JAK1: variants seen among roughly 807,000 people sequenced by gnomAD.
JAK1 encodes the protein tyrosine-protein kinase JAK1.
JAK1 carries 16 observed loss-of-function variants against 136.6 expected under a neutral mutation model. The ratio of observed to expected loss-of-function variants is 0.12; its 90% CI spans 0.08 to 0.18. JAK1 has a LOEUF of 0.18. Ranked by LOEUF, JAK1 falls within the 10% of genes least tolerant of loss-of-function variation. The pLI is 1.00. For synonymous variants in JAK1, 492 were observed against 519.5 expected (o/e 0.95, Z 0.72); for missense variants, 859 against 1,450.1 (o/e 0.59, Z 6.62).
At chr1:65,016,117 A>T (rs540610404) in intron 2 of JAK1, among the ~76,000 whole-genome samples, 1 of 152,240 alleles carries the variant, frequency 6.6e-6, no homozygotes, top group Non-Finnish European at 1.5e-5. Flanking sequence ...GTATAACTAC[A>T]CTGACATGAA....
intron 1 of JAK1, among the ~76,000 whole-genome samples, chr1:64,900,260 A>G (rs1254775695): frequency 6.6e-6 from 1 of 152,240 alleles, no homozygotes; most frequent in Non-Finnish European, 1.5e-5. Context: ...ATTAAGTGCT[A>G]TGACTTCAGA....
intron 1 of JAK1, among the ~76,000 whole-genome samples, chr1:64,924,071 T>A (rs1346076828): frequency 6.6e-6 from 1 of 152,322 alleles, no homozygotes; most frequent in South Asian, 2.1e-4. Flanking sequence ...CAACTCTGAA[T>A]GCAATAACTA....
At chr1:65,014,490 A>G (rs566952376) in intron 2 of JAK1, among the ~76,000 whole-genome samples, 3 of 152,188 alleles carry the variant, frequency 2.0e-5, no homozygotes, top group East Asian at 3.9e-4. Flanking sequence ...AAAAATTCTC[A>G]CTCAAATTCA....
At chr1:64,902,583 A>AGAGAGAGT in intron 1 of JAK1, among the ~76,000 whole-genome samples, 84 of 73,776 alleles carry the variant, frequency 1.1e-3, no homozygotes, top group African/African-American at 3.5e-3. Flanking sequence ...AGAGAGAGAG[A>AGAGAGAGT]GTGTGTGTGT....
chr1:64,993,642 TTATTTATG>T (rs1185387016), intron 2 of JAK1: 3 of 152,090 alleles, frequency 2.0e-5, no homozygotes, highest in Non-Finnish European at 4.4e-5. Context: ...TTATTTTTAT[TTATTTATG>T]TATTTATTTA....
chr1:64,956,284 G>C (rs570052610), intron 1 of JAK1, among the ~76,000 whole-genome samples: 3 of 152,226 alleles, frequency 2.0e-5, no homozygotes, highest in Non-Finnish European at 4.4e-5. Context: ...TATGATGATG[G>C]GTCAGAAAGA....
rs2100962136 is a variant in JAK1, at chr1:64,839,742, T to C, written c.2703A>G (p.Thr901=). ...GAGATTTAACAGCCACCTGCTCCCC[T>C]GTATTGTCCCCTTCGGGGTCATACC... ...LCRYDPEGDN[T]GEQVAVKSLK... is the part of the protein sequence containing the mutation. The change falls in exon 20 of 25, where the codon ACA becomes ACG. Residue 901 remains threonine, a synonymous_variant. Transcript: ENST00000342505. 1 of 1,614,216 alleles carries C rather than the reference T, an allele frequency of 6.2e-7. No homozygotes were observed. Among genetic ancestry groups the C allele is most frequent in the Non-Finnish European group, 8.5e-7 (1 of 1,180,024 alleles).
chr1:64,991,567 C>T (rs944063829), intron 2 of JAK1: 6 of 152,184 alleles, frequency 3.9e-5, no homozygotes, highest in African/African-American at 1.2e-4. Context: ...AATGCAGATG[C>T]CTGCTTTCAA....
At chr1:64,895,408 C>T (rs1299142571) in intron 1 of JAK1, among the ~76,000 whole-genome samples, 1 of 152,192 alleles carries the variant, frequency 6.6e-6, no homozygotes, top group African/African-American at 2.4e-5. Context: ...TTGAAAAACA[C>T]TGTTTTAAAG....
In JAK1 at chr1:64,984,398, A is replaced by C. The variant is rs1394935929; in HGVS notation, c.-78+60082T>G. ...CCCTCCTGAAATGAAGGGTAGGTTC[A>C]CTTGGTCTCTCCTACGCAGAAGAGA... On this transcript the variant is annotated intron_variant, in intron 2 of 25. Coordinates refer to the JAK1 transcript ENST00000671954. This position sits in a 1 kb window ranked among gnomAD's most constrained non-coding sequence, Gnocchi z 4.1. Among the ~76,000 whole-genome samples, 1 of 152,214 alleles carries C rather than the reference A, an allele frequency of 6.6e-6. No individual in the cohort carries two copies. The highest frequency in any genetic ancestry group is 2.4e-5 in the African/African-American group (1 of 41,450).
chr1:65,043,529 GTTTGTTTTTGTTT>G (rs1647154143), intron 2 of JAK1, among the ~76,000 whole-genome samples: 1 of 151,540 alleles, frequency 6.6e-6, no homozygotes, highest in Non-Finnish European at 1.5e-5. Flanking sequence ...TATATATATA[GTTTGTTTTTGTTT>G]TTTGTTTTTG....
At chr1:64,978,564 T>C (rs796431612) in intron 2 of JAK1, among the ~76,000 whole-genome samples, 28 of 152,276 alleles carry the variant, frequency 1.8e-4, no homozygotes, top group African/African-American at 6.5e-4. Context: ...CACTCTTTTA[T>C]GGGGTTTTTC....
At position 64,864,736 on chromosome 1, in the gene JAK1, T is replaced by C. The variant is rs749321166; in HGVS notation, c.1176+51A>G. On this transcript the variant is annotated intron_variant, in intron 8 of 24. Transcript: ENST00000342505. ...GTGCTGCAGAACGGAACTCAGCAAT[T>C]CTCCCTCTCATCACCAGATCCAGAC... is the stretch of plus-strand genomic sequence containing the variant. 2.9e-6 allele frequency: 4 copies of C among 1,359,396 alleles called. No individual in the cohort carries two copies. The African/African-American group carries it at 5.8e-5, about 20-fold the overall frequency. 84.2% of individuals were successfully genotyped at this position (1,359,396 alleles called of 1,614,324 possible).
intron 23 of JAK1, among the ~76,000 whole-genome samples, chr1:64,835,714 C>T (rs941836184): frequency 1.3e-5 from 2 of 152,158 alleles, no homozygotes; most frequent in Admixed American, 6.5e-5. Flanking sequence ...CTACCAACCA[C>T]TCCTTGTGCT....
intron 3 of JAK1, among the ~76,000 whole-genome samples, chr1:64,880,116 C>A (rs1263126471): frequency 6.6e-6 from 1 of 152,140 alleles, no homozygotes; most frequent in Non-Finnish European, 1.5e-5. Flanking sequence ...GACAGGGCCC[C>A]CTCCCTGGCC....
intron 24 of JAK1, 60 bp from the exon 25 acceptor site, chr1:64,834,717 A>T: frequency 9.3e-7 from 1 of 1,072,188 alleles, no homozygotes; most frequent in Non-Finnish European, 1.4e-6. Context: ...TTAAAAAATA[A>T]CAGAAATATC....
chr1:64,855,303 A>C (rs1655855812), intron 11 of JAK1, among the ~76,000 whole-genome samples: 1 of 152,232 alleles, frequency 6.6e-6, no homozygotes, highest in African/African-American at 2.4e-5. Context: ...ATGCTGAGAA[A>C]GGTATATGCC....
Position 64,987,410 on chromosome 1 carries a change from G to A in JAK1, c.-78+57070C>T, listed in dbSNP as rs577969595. On this transcript the variant is annotated intron_variant, in intron 2 of 25. Coordinates refer to the JAK1 transcript ENST00000671954. The stretch of plus-strand genomic sequence containing the variant: ...AGGAACATGGGATAACTAGTGACTT[G>A]GTAAAGGATTAGGCCTGGGTACCCA... 31 of 152,304 alleles carry A rather than the reference G, an allele frequency of 2.0e-4. 1 individual carries two copies. Among genetic ancestry groups the A allele is most frequent in the African/African-American group, 7.5e-4 (31 of 41,550 alleles). 9.4% of individuals were successfully genotyped at this position (152,304 alleles called of 1,614,324 possible).
At chr1:64,978,442 T>TA (rs1452997293) in intron 2 of JAK1, among the ~76,000 whole-genome samples, 1 of 152,248 alleles carries the variant, frequency 6.6e-6, no homozygotes, top group African/African-American at 2.4e-5. Flanking sequence ...TAAGTGTTAC[T>TA]AATCTTATTT....
Sources: allele counts gnomAD v4.1 joint callset (sites outside exome capture counted in the v4.1 genomes callset), GRCh38; gene constraint gnomAD v4.1.1; non-coding constraint Gnocchi (gnomAD v3.1); transcripts MANE v1.5; gene names NCBI Gene and HGNC (gene_info 2026-07-23, HGNC 2026-07-21).